COBLL1: variants seen among roughly 807,000 people sequenced by gnomAD.
COBLL1 encodes cordon-bleu WH2 repeat protein like 1.
Under a neutral mutation model 94.8 loss-of-function variants are expected in COBLL1, and 50 were observed. The observed-to-expected ratio is 0.53, with a 90% confidence interval of 0.42 to 0.67. The LOEUF (loss-of-function observed/expected upper bound fraction) is 0.67. Among genes scored for constraint, COBLL1 ranks in the 30% least tolerant of loss-of-function variants. The pLI is 0.00. For synonymous variants in COBLL1, 448 were observed against 473.8 expected (o/e 0.95, Z 0.71); for missense variants, 1,362 against 1,348.7 (o/e 1.01, Z -0.15).
chr2:164,802,199 T>C (rs1683844363), intron 2 of COBLL1, among the ~76,000 whole-genome samples: 1 of 152,180 alleles, frequency 6.6e-6, no homozygotes, highest in African/African-American at 2.4e-5. Flanking sequence ...GTAGAGAAAT[T>C]AAAATTGTTA....
chr2:164,695,307 A>C lies in COBLL1; in HGVS notation c.2085T>G (p.Asn695Lys). 6.2e-7 allele frequency: 1 copy of C among 1,613,858 alleles called. No individual in the cohort carries two copies. The highest frequency in any genetic ancestry group is 8.5e-7 in the Non-Finnish European group (1 of 1,179,924). Residue 695 changes from asparagine (N) to lysine (K), a missense_variant, in exon 12 of 14, where the codon AAT (asparagine) becomes AAG (lysine). By Grantham distance (94) the Asn-to-Lys change is moderately conservative. Coordinates refer to ENST00000652658, the MANE Select transcript of COBLL1 (RefSeq NM_001365672.2). The part of the protein sequence containing the change: ...LLPPVDRIDK[N>K]STASYLKNYP... Reference sequence around the variant, plus strand: ...AATTCTTTAGGTAAGAAGCAGTGGAATTTTTGTCAATCCTATCTACAGGAG... The same window carrying C: ...AATTCTTTAGGTAAGAAGCAGTGGACTTTTTGTCAATCCTATCTACAGGAG...
rs930433375 is a variant in COBLL1, at chr2:164,784,281, C to T, written c.42-40406G>A. On this transcript the variant is annotated intron_variant, in intron 2 of 13. Transcript: ENST00000652658. ...CAAAGGGAGTAGTATCACCATACTG[C>T]GCAACACACAGAAGTCACTCAATAA... Among the ~76,000 whole-genome samples, 10 of 152,114 alleles carry T rather than the reference C, an allele frequency of 6.6e-5. 1 individual carries two copies. Among genetic ancestry groups the T allele is most frequent in the Admixed American group, 1.3e-4 (2 of 15,260 alleles).
chr2:164,694,653 C>A lies in COBLL1; in HGVS notation c.2739G>T (p.Glu913Asp). Residue 913 changes from glutamate (E) to aspartate (D), a missense_variant, in exon 12 of 14, where the codon GAG becomes GAT. Glu to Asp is a conservative substitution (Grantham distance 45). Coordinates refer to ENST00000652658, the MANE Select transcript of COBLL1 (RefSeq NM_001365672.2). ...TTTTACTTAAGGGAGAAAGAGTCTG[C>A]TCCGGAGAAGGCAGCATATCCCTTT... is the stretch of plus-strand genomic sequence containing the variant. ...EAERDMLPSPEQTLSPLSKMP... is the reference protein window; with the variant it reads ...EAERDMLPSPDQTLSPLSKMP... 1 of 1,613,726 alleles carries A rather than the reference C, an allele frequency of 6.2e-7. No individual in the cohort carries two copies. The highest frequency in any genetic ancestry group is 8.5e-7 in the Non-Finnish European group (1 of 1,179,914).
intron 1 of COBLL1, among the ~76,000 whole-genome samples, chr2:164,666,327 G>C (rs1406967027): frequency 1.3e-5 from 2 of 152,084 alleles, no homozygotes; most frequent in African/African-American, 4.8e-5. Context: ...ATAACATTAT[G>C]TCTAAAAAAC....
Position 164,694,549 on chromosome 2 carries a change from G to A in COBLL1, c.2843C>T (p.Pro948Leu), listed in dbSNP as rs756041525. The change falls in exon 12 of 14, where the codon CCT becomes CTT. Residue 948 changes from proline to leucine, a missense_variant. Physicochemically the swap from Pro to Leu is moderately conservative, Grantham distance 98. Coordinates refer to ENST00000652658, the MANE Select transcript of COBLL1 (RefSeq NM_001365672.2). ...VIGQAPAEAS[P>L]PPIAPKPVTI... ...CACAGGTTTTGGAGCTATGGGAGGAGGGGAGGCTTCAGCAGGAGCCTGACC... is the reference window on the plus strand; with the variant it reads ...CACAGGTTTTGGAGCTATGGGAGGAAGGGAGGCTTCAGCAGGAGCCTGACC... The A allele has an allele frequency of 6.2e-7, 1 of 1,613,946 alleles. No homozygotes were observed. Among genetic ancestry groups the A allele is most frequent in the Non-Finnish European group, 8.5e-7 (1 of 1,179,940 alleles).
At chr2:164,731,177 T>C (rs1465220370) in intron 3 of COBLL1, among the ~76,000 whole-genome samples, 1 of 152,244 alleles carries the variant, frequency 6.6e-6, no homozygotes, top group African/African-American at 2.4e-5. Context: ...CCACACCTAC[T>C]ATATAGGCAT....
At chr2:164,829,557 A>T (rs1682959723) in intron 2 of COBLL1, among the ~76,000 whole-genome samples, 1 of 152,168 alleles carries the variant, frequency 6.6e-6, no homozygotes, top group Non-Finnish European at 1.5e-5. Flanking sequence ...CATGAAATTT[A>T]ATTTTTTTCC....
At chr2:164,734,747 T>C (rs1686210362) in intron 3 of COBLL1, among the ~76,000 whole-genome samples, 1 of 152,156 alleles carries the variant, frequency 6.6e-6, no homozygotes, top group African/African-American at 2.4e-5. Context: ...AGGGACAAAG[T>C]GGCAGTGTTG....
intron 1 of COBLL1, among the ~76,000 whole-genome samples, chr2:164,669,645 C>T (rs1295690312): frequency 6.6e-6 from 1 of 152,142 alleles, no homozygotes; most frequent in Non-Finnish European, 1.5e-5. Flanking sequence ...GGGAACACTG[C>T]AAAACATTCT....
At chr2:164,789,255 A>G (rs542340424) in intron 2 of COBLL1, among the ~76,000 whole-genome samples, 2 of 152,242 alleles carry the variant, frequency 1.3e-5, no homozygotes, top group Non-Finnish European at 2.9e-5. Context: ...ATTTTAATAG[A>G]GATCATGATG....
At chr2:164,670,149 C>G (rs1382993323) in intron 1 of COBLL1, among the ~76,000 whole-genome samples, 1 of 152,128 alleles carries the variant, frequency 6.6e-6, no homozygotes, top group African/African-American at 2.4e-5. Flanking sequence ...CACAAGCACT[C>G]TATAAAGTTG....
chr2:164,807,374 G>A (rs1486762174), intron 2 of COBLL1, among the ~76,000 whole-genome samples: 1 of 151,794 alleles, frequency 6.6e-6, no homozygotes, highest in Non-Finnish European at 1.5e-5. Flanking sequence ...AGAGGCAGAG[G>A]CTGCAGTGAG....
At position 164,841,586 on chromosome 2, in the gene COBLL1, C is replaced by T. The variant is rs1419262987; in HGVS notation, c.-51+124G>A. On this transcript the variant is annotated intron_variant, in intron 1 of 13. Coordinates refer to ENST00000652658, the MANE Select transcript of COBLL1 (RefSeq NM_001365672.2). The surrounding 1 kb of genome is among the most constrained non-coding windows in gnomAD (Gnocchi z 5.5). ...GGGGCCGGGCGCACGGGCACCGCTG[C>T]CACGCCGGCAGCGCACTCCCAGGCT... is the stretch of plus-strand genomic sequence containing the variant. 11 of 469,306 alleles carry T rather than the reference C, an allele frequency of 2.3e-5. No individual in the cohort carries two copies. The highest frequency in any genetic ancestry group is 2.3e-4 in the African/African-American group (11 of 48,768). The allele number at this position is 469,306 out of a possible 1,614,324, so 29.1% of individuals were successfully genotyped here. A position where few individuals can be genotyped will look rare whatever the true frequency, so the allele number is the denominator to read the frequency against.
intron 1 of COBLL1, among the ~76,000 whole-genome samples, chr2:164,669,813 A>C (rs753501247): frequency 1.3e-5 from 2 of 152,232 alleles, no homozygotes; most frequent in Non-Finnish European, 2.9e-5. Flanking sequence ...GGGAATAATA[A>C]TAATGTTTCT....
chr2:164,685,122 C>G lies in COBLL1; in HGVS notation c.*824G>C, dbSNP rs1683214856. ...TAAAGTTTTTCAATATAAACATAAA[C>G]TAACCCCTATTCCTCTCTACATATC... On this transcript the variant is annotated 3_prime_UTR_variant, in exon 14 of 14. Coordinates refer to ENST00000652658, the MANE Select transcript of COBLL1 (RefSeq NM_001365672.2). 6.6e-6 allele frequency: 1 copy of G among 152,080 alleles called. No individual in the cohort carries two copies. The highest frequency in any genetic ancestry group is 1.5e-5 in the Non-Finnish European group (1 of 67,996). 9.4% of individuals were successfully genotyped at this position (152,080 alleles called of 1,614,324 possible).
rs115172937 is a variant in COBLL1 at position 164,694,593 on chromosome 2, T to G, written c.2799A>C (p.Lys933Asn). 2,872 of 1,613,834 alleles carry G rather than the reference T, an allele frequency of 1.8e-3. 5 individuals are homozygous for G. The highest frequency in any genetic ancestry group is 2.2e-3 in the Non-Finnish European group (2,649 of 1,179,918). Residue 933 changes from lysine to asparagine, a missense_variant, in exon 12 of 14, where the codon AAA (lysine) becomes AAC (asparagine). By Grantham distance (94) the Lys-to-Asn change is moderately conservative. Transcript: ENST00000652658. ...PHSVPQPLVE[K>N]TDDDVIGQAP... is the part of the protein sequence containing the mutation. The stretch of plus-strand genomic sequence containing the variant: ...CCTGACCGATGACATCATCATCAGT[T>G]TTTTCAACAAGGGGTTGTGGAACAG...
intron 2 of COBLL1, among the ~76,000 whole-genome samples, chr2:164,810,817 A>G (rs186226754): frequency 1.3e-5 from 2 of 152,086 alleles, no homozygotes; most frequent in East Asian, 3.9e-4. Context: ...GTTGAAATAT[A>G]TGAAAATAAA....
chr2:164,838,822 C>G (rs1486886189), intron 2 of COBLL1, among the ~76,000 whole-genome samples: 1 of 152,124 alleles, frequency 6.6e-6, no homozygotes, highest in Non-Finnish European at 1.5e-5. Context: ...TATAATTAGT[C>G]AGTTTTATAG....
intron 11 of COBLL1, chr2:164,696,995 A>T (rs1031645283): frequency 6.6e-6 from 1 of 152,178 alleles, no homozygotes; most frequent in African/African-American, 2.4e-5. Flanking sequence ...ACTATTACCT[A>T]TAAGAATGAG....
Sources: allele counts gnomAD v4.1 joint callset (sites outside exome capture counted in the v4.1 genomes callset), GRCh38; gene constraint gnomAD v4.1.1; non-coding constraint Gnocchi (gnomAD v3.1); transcripts MANE v1.5; gene names NCBI Gene and HGNC (gene_info 2026-07-23, HGNC 2026-07-21).